Variants in RBM4 observed in about 807,000 individuals in gnomAD.
RBM4 encodes RNA binding motif protein 4.
In RBM4, 7 loss-of-function variants were observed where a neutral mutation model predicts 29.5. That is an observed-to-expected ratio of 0.24 (90% CI 0.14 to 0.45). RBM4 has a LOEUF of 0.45. Ranked by LOEUF, RBM4 falls within the 20% of genes least tolerant of loss-of-function variation. The probability of loss-of-function intolerance (pLI) is 1.00; values close to 1 mark genes in which losing one functional copy is unlikely to be tolerated. For synonymous variants in RBM4, 220 were observed against 205.4 expected (o/e 1.07, Z -0.61); for missense variants, 387 against 502.3 (o/e 0.77, Z 2.19).
chr11:66,665,900 G>A, exon 3 of RBM4: 1 of 1,535,278 alleles, frequency 6.5e-7, no homozygotes, highest in Non-Finnish European at 8.7e-7. Flanking sequence ...CTGTAACAAA[G>A]GGCATACATA....
rs75336634 is a variant in RBM4, at chr11:66,641,431, T to G, written c.412+1308T>G. On this transcript the variant is annotated intron_variant, in intron 2 of 3. Transcript: ENST00000310092. ...AGAAAAGTGACACAGGTCTCTCAGG[T>G]CTAGTTTGCTTTCTTTTTTTTAATT... is the stretch of plus-strand genomic sequence containing the variant. Among the ~76,000 whole-genome samples the G allele has an allele frequency of 8.9e-3, 1,348 of 152,210 alleles. 23 individuals carry two copies. The highest frequency in any genetic ancestry group is 0.03 in the African/African-American group (1,254 of 41,510).
chr11:66,643,898 T>C lies in RBM4; in HGVS notation c.861T>C (p.Ala287=). The C allele has an allele frequency of 6.2e-7, 1 of 1,611,614 alleles. No homozygotes were observed. Among genetic ancestry groups the C allele is most frequent in the Non-Finnish European group, 8.5e-7 (1 of 1,179,234 alleles). ...LPTSGAAATA[A]AAAAAAAAVT... is the part of the protein sequence containing the mutation. Reference sequence around the variant, plus strand: ...CCTCAGGAGCTGCTGCCACAGCTGCTGCTGCAGCAGCAGCCGCTGCTGCTG... The same window carrying C: ...CCTCAGGAGCTGCTGCCACAGCTGCCGCTGCAGCAGCAGCCGCTGCTGCTG... Residue 287 remains alanine, a synonymous_variant, in exon 3 of 4, where the codon GCT becomes GCC. Coordinates refer to ENST00000310092, the MANE Select transcript of RBM4 (RefSeq NM_002896.4). This position sits in a 1 kb window ranked among gnomAD's most constrained non-coding sequence, Gnocchi z 6.1.
intron 3 of RBM4, 192 bp downstream of exon 3, chr11:66,644,332 C>T: frequency 1.3e-6 from 1 of 778,078 alleles, no homozygotes; most frequent in Non-Finnish European, 1.9e-6. Flanking sequence ...GCCCTCATGG[C>T]TATTTTTCAG....
chr11:66,649,793 CTT>C, downstream of RBM4: 1 of 701,086 alleles, frequency 1.4e-6, no homozygotes. Context: ...CTCACTGTAA[CTT>C]TGAACTCCTG....
At chr11:66,663,170 G>A (rs1250506765) in intron 2 of RBM4, among the ~76,000 whole-genome samples, 2 of 152,060 alleles carry the variant, frequency 1.3e-5, no homozygotes, top group South Asian at 4.1e-4. Flanking sequence ...GTTCTATGGG[G>A]ATCTAAACAA....
Position 66,643,802 on chromosome 11 carries a change from C to T in RBM4, c.765C>T (p.Val255=). ...AGACCCTGTCCCAGCTGCCACAAGT[C>T]CAGAATACAGCCATGGCCAGTCACC... is the stretch of plus-strand genomic sequence containing the variant. ...AEQTLSQLPQ[V]QNTAMASHLT... is the part of the protein sequence containing the mutation. The change falls in exon 3 of 4, where the codon GTC becomes GTT. Residue 255 remains valine (V), a synonymous_variant. Coordinates refer to ENST00000310092, the MANE Select transcript of RBM4 (RefSeq NM_002896.4). The surrounding 1 kb of genome is among the most constrained non-coding windows in gnomAD (Gnocchi z 6.1). 1 of 1,614,004 alleles carries T rather than the reference C, an allele frequency of 6.2e-7. No individual in the cohort carries two copies. The highest frequency in any genetic ancestry group is 2.2e-5 in the East Asian group (1 of 44,872).
exon 3 of RBM4, chr11:66,668,309 T>TG: frequency 3.5e-6 from 1 of 285,526 alleles, no homozygotes; most frequent in Non-Finnish European, 6.6e-6. Context: ...ATAACAAATG[T>TG]TAGATCTCTC....
intron 2 of RBM4, among the ~76,000 whole-genome samples, chr11:66,658,337 C>CTTTTTTTTTT (rs35133059): frequency 4.0e-5 from 2 of 50,460 alleles, no homozygotes; most frequent in African/African-American, 7.8e-5. Flanking sequence ...CTAGTCTGAC[C>CTTTTTTTTTT]TTTTTTTTTT....
At chr11:66,666,771 A>T (rs1364381782) in exon 3 of RBM4, 1 of 152,226 alleles carries the variant, frequency 6.6e-6, no homozygotes, top group African/African-American at 2.4e-5. Context: ...CTTCACACAT[A>T]AACACAGACT....
exon 3 of RBM4, chr11:66,666,912 T>C (rs1939257444): frequency 8.7e-6 from 1 of 114,902 alleles, no homozygotes; most frequent in Non-Finnish European, 2.2e-5. Context: ...GCTTTTTAAT[T>C]TTTTTTTTTT....
downstream of RBM4, among the ~76,000 whole-genome samples, chr11:66,650,202 C>T (rs1938794399): frequency 1.3e-5 from 2 of 152,168 alleles, no homozygotes; most frequent in African/African-American, 4.8e-5. Flanking sequence ...CTGCATGGGT[C>T]AAAGGACCTG....
chr11:66,644,365 T>C, intron 3 of RBM4: 1 of 577,210 alleles, frequency 1.7e-6, no homozygotes, highest in Non-Finnish European at 2.9e-6. Context: ...TGGGAGTCAA[T>C]TTGATTCTAT....
intron 2 of RBM4, among the ~76,000 whole-genome samples, chr11:66,660,831 A>G (rs949038959): frequency 1.3e-5 from 2 of 150,470 alleles, no homozygotes; most frequent in African/African-American, 2.4e-5. Context: ...TTTTTTTTGT[A>G]TTTTTAGTAG....
intron 2 of RBM4, chr11:66,665,692 C>G (rs969989428): frequency 2.0e-6 from 3 of 1,500,292 alleles, no homozygotes; most frequent in Non-Finnish European, 1.8e-6. Flanking sequence ...AAGAACAAAA[C>G]AAAACCAAGT....
At chr11:66,663,960 A>G (rs548878012) in intron 2 of RBM4, among the ~76,000 whole-genome samples, 5 of 152,034 alleles carry the variant, frequency 3.3e-5, no homozygotes, top group Non-Finnish European at 4.4e-5. Context: ...TGTCTCAAGA[A>G]TCTGGCTAAC....
chr11:66,647,375 C>T (rs1198610380), downstream of RBM4, among the ~76,000 whole-genome samples: 2 of 152,154 alleles, frequency 1.3e-5, no homozygotes, highest in Non-Finnish European at 2.9e-5. Flanking sequence ...CTGTTAGATT[C>T]TTTCTAATCA....
intron 2 of RBM4, among the ~76,000 whole-genome samples, chr11:66,655,860 C>T (rs892498553): frequency 6.6e-6 from 1 of 151,878 alleles, no homozygotes; most frequent in Non-Finnish European, 1.5e-5. Context: ...TAAGCAGTGT[C>T]ATAATGTGAT....
chr11:66,657,336 A>G (rs1428286016), intron 2 of RBM4, among the ~76,000 whole-genome samples: 1 of 151,740 alleles, frequency 6.6e-6, no homozygotes, highest in Non-Finnish European at 1.5e-5. Flanking sequence ...TATGTTGCCC[A>G]GGCTGGTTAG....
intron 2 of RBM4, among the ~76,000 whole-genome samples, chr11:66,662,194 T>C (rs781268011): frequency 3.9e-5 from 6 of 152,214 alleles, no homozygotes; most frequent in Non-Finnish European, 8.8e-5. Flanking sequence ...TACATGTAGC[T>C]AATTATAATT....
Sources: allele counts gnomAD v4.1 joint callset (sites outside exome capture counted in the v4.1 genomes callset), GRCh38; gene constraint gnomAD v4.1.1; non-coding constraint Gnocchi (gnomAD v3.1); transcripts MANE v1.5; gene names NCBI Gene and HGNC (gene_info 2026-07-23, HGNC 2026-07-21).